Variants in FMN2 observed in about 807,000 individuals in gnomAD.
FMN2 encodes the protein formin-2.
FMN2 carries 51 observed loss-of-function variants against 142.3 expected under a neutral mutation model. That is an observed-to-expected ratio of 0.36 (90% confidence interval 0.29 to 0.45). FMN2 has a LOEUF of 0.45. FMN2 is among the 20% of genes least tolerant of loss of function. FMN2 has a pLI of 1.00. For synonymous variants in FMN2, 882 were observed against 869.8 expected, an observed-to-expected ratio of 1.01 and a Z score of -0.25; for missense variants, 1,936 against 2,122.8, an observed-to-expected ratio of 0.91 and a Z score of 1.73.
At chr1:240,178,817 G>A (rs999974123) in intron 3 of FMN2, among the ~76,000 whole-genome samples, 15 of 152,166 alleles carry the variant, frequency 9.9e-5, no homozygotes, top group African/African-American at 3.4e-4. Context: ...AAGCATGAGT[G>A]AGGAGTAAAT....
rs879255415 is a variant in FMN2 at position 240,093,590 on chromosome 1, C to G, written c.1481C>G (p.Pro494Arg). The G allele has an allele frequency of 1.4e-6, 2 of 1,445,528 alleles. No homozygotes were observed. The highest frequency in any genetic ancestry group is 1.8e-6 in the Non-Finnish European group (2 of 1,109,548). The allele number at this position is 1,445,528 out of a possible 1,614,324, so 89.5% of individuals were successfully genotyped here. A position where few individuals can be genotyped will look rare whatever the true frequency, so the allele number is the denominator to read the frequency against. Reference protein sequence around the residue: ...DWTEELGARTPRVGGSAHLLE... With the variant: ...DWTEELGARTRRVGGSAHLLE... ...ACGGAGGAGCTAGGCGCCCGCACGC[C>G]CCGGGTGGGAGGCTCCGCGCACCTG... The change falls in exon 1 of 18, where the codon CCC (proline) becomes CGC (arginine). Residue 494 changes from proline to arginine, a missense_variant. This residue lies in a region of FMN2 where 751 missense variants were observed against 791.8 expected (regional missense o/e 0.95). Transcript: ENST00000319653.
chr1:240,192,059 G>A (rs1175588275), intron 4 of FMN2, among the ~76,000 whole-genome samples: 2 of 152,196 alleles, frequency 1.3e-5, no homozygotes, highest in East Asian at 1.9e-4. Context: ...TCAAGTGTCA[G>A]AAAAACGCTT....
chr1:240,385,886 A>G (rs1673391635), intron 14 of FMN2, among the ~76,000 whole-genome samples: 3 of 152,148 alleles, frequency 2.0e-5, no homozygotes, highest in South Asian at 2.1e-4. Context: ...ACAATGATAT[A>G]TATATATATT....
chr1:240,457,429 G>C (rs750597477), intron 16 of FMN2: 3 of 152,174 alleles, frequency 2.0e-5, no homozygotes, highest in Non-Finnish European at 4.4e-5. Context: ...AGGTCCTTCA[G>C]TATGTACTTA....
Position 240,357,321 on chromosome 1 carries a change from A to G in FMN2, c.4858+1413A>G, listed in dbSNP as rs1378969088. 3.9e-5 allele frequency among the ~76,000 whole-genome samples: 6 copies of G among 152,324 alleles called. No individual in the cohort carries two copies. In the East Asian group the frequency reaches 1.2e-3, roughly 29 times the overall value. On this transcript the variant is annotated intron_variant, in intron 14 of 17. Transcript: ENST00000319653. ...TTCTTGGTCACATTATATGTGATTT[A>G]TTATATAATATTTTGAATCTGCAAT...
intron 15 of FMN2, among the ~76,000 whole-genome samples, chr1:240,436,635 C>G (rs1675382358): frequency 6.7e-6 from 1 of 148,648 alleles, no homozygotes; most frequent in African/African-American, 2.5e-5. Flanking sequence ...TGAGACCATG[C>G]TGTTGCACTC....
intron 6 of FMN2, among the ~76,000 whole-genome samples, chr1:240,248,451 ATATATAT>A (rs1668159099): frequency 6.8e-6 from 1 of 147,726 alleles, no homozygotes; most frequent in African/African-American, 2.5e-5. Context: ...ATATATATAT[ATATATAT>A]AACATACATG....
chr1:240,278,305 G>C (rs1362088890), intron 7 of FMN2, among the ~76,000 whole-genome samples: 2 of 152,040 alleles, frequency 1.3e-5, no homozygotes, highest in Non-Finnish European at 2.9e-5. Flanking sequence ...ACAAGGTCTG[G>C]GTGTCACAAA....
At chr1:240,329,848 C>T (rs7520694) in intron 10 of FMN2, among the ~76,000 whole-genome samples, 61,049 of 151,656 alleles carry the variant, frequency 0.4, 12,726 homozygotes, top group Admixed American at 0.52. Flanking sequence ...TCTCCACAAA[C>T]TGTTAATAAT....
intron 13 of FMN2, among the ~76,000 whole-genome samples, chr1:240,339,015 A>G (rs780141321): frequency 5.9e-5 from 9 of 152,092 alleles, no homozygotes; most frequent in African/African-American, 1.7e-4. Flanking sequence ...CCTGGCTCCT[A>G]TGAGAGTCTA....
chr1:240,108,383 T>A (rs1444675084), intron 1 of FMN2, among the ~76,000 whole-genome samples: 1 of 152,198 alleles, frequency 6.6e-6, no homozygotes, highest in East Asian at 1.9e-4. Flanking sequence ...TGGCCCTCCT[T>A]ATTTTTTTTC....
intron 2 of FMN2, among the ~76,000 whole-genome samples, chr1:240,135,510 C>T (rs943976177): frequency 6.6e-6 from 1 of 152,050 alleles, no homozygotes; most frequent in African/African-American, 2.4e-5. Flanking sequence ...AAAAAAATTG[C>T]CTCGTATGGG....
chr1:240,277,178 A>C (rs1669244137), intron 7 of FMN2, among the ~76,000 whole-genome samples: 1 of 152,318 alleles, frequency 6.6e-6, no homozygotes, highest in South Asian at 2.1e-4. Context: ...AAATTCAATT[A>C]CCATTTTGGT....
intron 16 of FMN2, among the ~76,000 whole-genome samples, chr1:240,459,739 A>G (rs1310036911): frequency 8.4e-6 from 1 of 118,888 alleles, no homozygotes; most frequent in African/African-American, 3.2e-5. Context: ...AAAAAAAAAA[A>G]AAAAAAAAAA....
chr1:240,383,243 A>C (rs1292752118), intron 14 of FMN2, among the ~76,000 whole-genome samples: 4 of 134,934 alleles, frequency 3.0e-5, no homozygotes, highest in African/African-American at 5.1e-5. Context: ...CAAATGCAAC[A>C]GAATAAAAAA....
At chr1:240,096,125 CTG>C (rs1404701662) in intron 1 of FMN2, among the ~76,000 whole-genome samples, 41 of 152,242 alleles carry the variant, frequency 2.7e-4, no homozygotes, top group African/African-American at 9.4e-4. Flanking sequence ...CAAGGTCACA[CTG>C]TGATTCATTC....
At chr1:240,400,229 G>A (rs1012606908) in intron 15 of FMN2, among the ~76,000 whole-genome samples, 3 of 152,196 alleles carry the variant, frequency 2.0e-5, no homozygotes, top group South Asian at 2.1e-4. Context: ...ACCCACTAAT[G>A]AGCATCAGAT....
chr1:240,350,351 A>G (rs2103039469), intron 13 of FMN2, among the ~76,000 whole-genome samples: 1 of 152,316 alleles, frequency 6.6e-6, no homozygotes, highest in East Asian at 1.9e-4. Flanking sequence ...ATCCCTATTA[A>G]GGAAAGCCTT....
intron 4 of FMN2, among the ~76,000 whole-genome samples, chr1:240,189,673 C>T (rs1020096856): frequency 5.9e-5 from 9 of 152,132 alleles, no homozygotes; most frequent in African/African-American, 1.7e-4. Context: ...CAAGTTTTTC[C>T]AGCTTATTGT....
Sources: allele counts gnomAD v4.1 joint callset (sites outside exome capture counted in the v4.1 genomes callset), GRCh38; gene constraint gnomAD v4.1.1; regional missense constraint gnomAD v4.1.1; transcripts MANE v1.5; gene names NCBI Gene and HGNC (gene_info 2026-07-23, HGNC 2026-07-21).